LRRC37A: variants seen among roughly 807,000 people sequenced by gnomAD.
The protein encoded by LRRC37A is leucine rich repeat containing 37A, also known as leucine-rich repeat-containing protein 37A.
In LRRC37A, 3 loss-of-function variants were observed where a neutral mutation model predicts 35.4. That is an observed-to-expected ratio of 0.08 (90% CI 0.04 to 0.22). The LOEUF (loss-of-function observed/expected upper bound fraction) is 0.22. Ranked by LOEUF, LRRC37A falls within the 10% of genes least tolerant of loss-of-function variation. The probability of loss-of-function intolerance (pLI) is 1.00; values close to 1 mark genes in which losing one functional copy is unlikely to be tolerated. For missense variants in LRRC37A, 67 were observed against 565.3 expected, an observed-to-expected ratio of 0.12 and a Z score of 8.94; for synonymous variants, 23 against 215.0, an observed-to-expected ratio of 0.11 and a Z score of 7.81.
At chr17:46,264,268 A>G in the LRRC37A span, among the ~76,000 whole-genome samples, 1 of 152,086 alleles carries the variant, frequency 6.6e-6, no homozygotes, top group South Asian at 2.1e-4. Context: ...CTGGCCTACA[A>G]ATTCTTTATT....
chr17:46,289,524 G>C (rs1304791333), upstream of LRRC37A, among the ~76,000 whole-genome samples: 1 of 152,136 alleles, frequency 6.6e-6, no homozygotes, highest in African/African-American at 2.4e-5. Flanking sequence ...AATTCTTTTA[G>C]AGATAGGGTT....
chr17:46,288,706 CTTT>C (rs199591277), upstream of LRRC37A, among the ~76,000 whole-genome samples: 4 of 139,040 alleles, frequency 2.9e-5, no homozygotes, highest in African/African-American at 2.7e-5. Flanking sequence ...CTTGTTTTTT[CTTT>C]TTTTTTTTTT....
chr17:46,261,597 G>A, the LRRC37A span, among the ~76,000 whole-genome samples: 3 of 151,808 alleles, frequency 2.0e-5, no homozygotes, highest in Admixed American at 2.0e-4. Flanking sequence ...ATTTTTAATA[G>A]AGATGGGGTT....
chr17:46,291,047 C>G (rs2050052404), upstream of LRRC37A, among the ~76,000 whole-genome samples: 1 of 152,212 alleles, frequency 6.6e-6, no homozygotes, highest in Admixed American at 6.5e-5. Context: ...GCTTCTCTGT[C>G]TATAGACTAT....
At chr17:46,257,908 G>A in the LRRC37A span, among the ~76,000 whole-genome samples, 19,970 of 150,830 alleles carry the variant, frequency 0.13, 926 homozygotes, top group Non-Finnish European at 0.2. Context: ...AGGAATCTGG[G>A]AGGGACTTAG....
chr17:46,260,914 T>A, the LRRC37A span, among the ~76,000 whole-genome samples: 19,540 of 151,996 alleles, frequency 0.13, 1 homozygote, highest in Middle Eastern at 0.2. Context: ...TGAGCCACCG[T>A]GCCCCGTCTA....
At chr17:46,264,151 T>TC in the LRRC37A span, among the ~76,000 whole-genome samples, 1 of 151,564 alleles carries the variant, frequency 6.6e-6, no homozygotes, top group Non-Finnish European at 1.5e-5. Context: ...GCTGACTTTT[T>TC]TTTTTTTTTT....
At chr17:46,251,793 G>A in the LRRC37A span, among the ~76,000 whole-genome samples, 5,450 of 132,452 alleles carry the variant, frequency 0.041, 478 homozygotes, top group Middle Eastern at 0.13. Flanking sequence ...GAGTAAGTCA[G>A]AGGTGGTTCC....
chr17:46,276,790 C>CTTTTCTTTTTTTTTTTTTTT, the LRRC37A span, among the ~76,000 whole-genome samples: 5 of 134,288 alleles, frequency 3.7e-5, no homozygotes, highest in Admixed American at 7.7e-5. Flanking sequence ...TTCTTTTTTT[C>CTTTTCTTTTTTTTTTTTTTT]TTTTTTTTTT....
At chr17:46,274,513 C>T in the LRRC37A span, among the ~76,000 whole-genome samples, 16 of 152,288 alleles carry the variant, frequency 1.1e-4, no homozygotes, top group Admixed American at 9.8e-4. Flanking sequence ...AAAGAAAAGA[C>T]ATCTAGAGGT....
chr17:46,265,259 T>TTCC, the LRRC37A span, among the ~76,000 whole-genome samples: 3 of 15,030 alleles, frequency 2.0e-4, no homozygotes, highest in Admixed American at 2.3e-3. Context: ...CTTCTTCTTC[T>TTCC]TCTTCTTCTT....
the LRRC37A span, among the ~76,000 whole-genome samples, chr17:46,273,919 A>G: frequency 0.14 from 21,723 of 152,068 alleles, 1,885 homozygotes; most frequent in Non-Finnish European, 0.22. Context: ...TAATTTGCCC[A>G]GTATCACAGA....
intron 10 of LRRC37A, 92 bp from the exon 11 acceptor site, chr17:46,335,453 T>C: frequency 6.1e-6 from 1 of 164,560 alleles, no homozygotes; most frequent in East Asian, 3.5e-5. Flanking sequence ...ATCAGGTACA[T>C]GAGACTTATA....
chr17:46,271,003 C>T, the LRRC37A span, among the ~76,000 whole-genome samples: 12 of 152,180 alleles, frequency 7.9e-5, no homozygotes, highest in Non-Finnish European at 1.5e-4. Flanking sequence ...TTTAGTATCT[C>T]ACTCCAAGTA....
At chr17:46,268,720 C>T in the LRRC37A span, 5 of 1,407,538 alleles carry the variant, frequency 3.6e-6, no homozygotes, top group East Asian at 1.4e-4. Context: ...ATTTCTGGAT[C>T]ACAAGAGACA....
chr17:46,294,033 T>G (rs1462846968), upstream of LRRC37A: 1 of 87,594 alleles, frequency 1.1e-5, no homozygotes, highest in African/African-American at 3.0e-5. Flanking sequence ...ATTGCAGGTA[T>G]GCACCACCAC....
intron 7 of LRRC37A, among the ~76,000 whole-genome samples, chr17:46,327,310 C>T (rs1317894857): frequency 1.7e-5 from 1 of 57,418 alleles, no homozygotes. Flanking sequence ...GCTACAGTGG[C>T]TCCCACTTGT....
At chr17:46,305,027 C>T (rs1479709051) in intron 3 of LRRC37A, among the ~76,000 whole-genome samples, 2 of 80,738 alleles carry the variant, frequency 2.5e-5, no homozygotes, top group African/African-American at 6.8e-5. Flanking sequence ...TGCCACTAGG[C>T]CCGGCTAATT....
chr17:46,277,323 A>T, the LRRC37A span, among the ~76,000 whole-genome samples: 1 of 152,188 alleles, frequency 6.6e-6, no homozygotes, highest in South Asian at 2.1e-4. Context: ...CAGGACCTCC[A>T]AGCAACTTCC....
Sources: gnomAD v4.1 joint callset for allele counts (sites outside exome capture counted in the v4.1 genomes callset) on GRCh38, gnomAD v4.1.1 for gene constraint, MANE v1.5 for transcripts, NCBI Gene and HGNC (gene_info 2026-07-23, HGNC 2026-07-21) for gene names.